The following DGKB variants were observed in gnomAD, a reference collection of about 807,000 sequenced individuals.
DGKB encodes the protein diacylglycerol kinase beta, also known as 90 kDa diacylglycerol kinase.
In DGKB, 67 loss-of-function variants were observed where a neutral mutation model predicts 114.3. That is an observed-to-expected ratio of 0.59 (90% CI 0.48 to 0.72). The LOEUF (loss-of-function observed/expected upper bound fraction) is 0.72. Among genes scored for constraint, DGKB ranks in the 30% least tolerant of loss-of-function variants. The pLI is 0.00. For missense variants in DGKB, 907 were observed against 975.2 expected (o/e 0.93, Z 0.93); for synonymous variants, 398 against 323.1 (o/e 1.23, Z -2.49).
At chr7:14,515,011 C>A (rs778199628) in intron 20 of DGKB, among the ~76,000 whole-genome samples, 2 of 151,930 alleles carry the variant, frequency 1.3e-5, no homozygotes, top group Admixed American at 6.6e-5. Flanking sequence ...AGAGTGAGAA[C>A]CTGTCTCAAA....
intron 23 of DGKB, among the ~76,000 whole-genome samples, chr7:14,250,962 T>G (rs1188672681): frequency 6.6e-6 from 1 of 152,190 alleles, no homozygotes; most frequent in East Asian, 1.9e-4. Flanking sequence ...TGCTCTTTTT[T>G]ATTATTATTT....
Position 14,916,475 on chromosome 7 carries a change from A to C in DGKB, c.-188+58221T>G, listed in dbSNP as rs1010435837. Among the ~76,000 whole-genome samples, 13 of 152,158 alleles carry C rather than the reference A, an allele frequency of 8.5e-5. 1 individual carries two copies. The highest frequency in any genetic ancestry group is 8.5e-4 in the Admixed American group (13 of 15,274). ...AGAAAGATAAACCATGCTAATGCTA[A>C]TCAAAGTAAAGCTGGATTAACTGTA... On this transcript the variant is annotated intron_variant, in intron 1 of 4. Coordinates refer to the DGKB transcript ENST00000437998.
At chr7:14,693,199 A>T (rs1001544274) in intron 9 of DGKB, among the ~76,000 whole-genome samples, 10 of 152,132 alleles carry the variant, frequency 6.6e-5, no homozygotes, top group Non-Finnish European at 1.5e-4. Context: ...TTACAATTTC[A>T]TTGTTCTTTC....
chr7:14,800,212 G>A (rs559560908), intron 2 of DGKB, among the ~76,000 whole-genome samples: 15 of 152,306 alleles, frequency 9.8e-5, no homozygotes, highest in East Asian at 1.9e-4. Flanking sequence ...CACCGCGCTC[G>A]GTCTAGTCTC....
intron 23 of DGKB, among the ~76,000 whole-genome samples, chr7:14,319,805 A>G (rs1471315525): frequency 1.3e-5 from 2 of 152,198 alleles, no homozygotes; most frequent in East Asian, 1.9e-4. Flanking sequence ...ATAAAAGATA[A>G]AGTATTGTAT....
rs192693762 is a variant in DGKB, at chr7:14,763,154, G to C, written c.71-5423C>G. Among the ~76,000 whole-genome samples, 1,059 of 152,096 alleles carry C rather than the reference G, an allele frequency of 7.0e-3. 13 individuals are homozygous for C. Among genetic ancestry groups the C allele is most frequent in the African/African-American group, 0.024 (1,001 of 41,528 alleles). On this transcript the variant is annotated intron_variant, in intron 2 of 25. Transcript: ENST00000402815. ...ATGATTTTAGAGCTCTTCTTTTGCT[G>C]ATGATTTTTTTTTCCTCAGGAATCC... is the stretch of plus-strand genomic sequence containing the variant.
At chr7:14,786,533 A>T (rs1466340782) in intron 2 of DGKB, among the ~76,000 whole-genome samples, 1 of 152,228 alleles carries the variant, frequency 6.6e-6, no homozygotes, top group Non-Finnish European at 1.5e-5. Flanking sequence ...AACCAGGAAC[A>T]GGCGGAAGGC....
At chr7:14,359,705 A>T (rs892126112) in intron 21 of DGKB, among the ~76,000 whole-genome samples, 1 of 152,234 alleles carries the variant, frequency 6.6e-6, no homozygotes, top group African/African-American at 2.4e-5. Flanking sequence ...CAGCCAACAG[A>T]CACATGAAAA....
intron 23 of DGKB, among the ~76,000 whole-genome samples, chr7:14,229,354 A>T (rs1380069951): frequency 6.6e-6 from 1 of 151,936 alleles, no homozygotes; most frequent in Non-Finnish European, 1.5e-5. Flanking sequence ...TTTACTACAA[A>T]CCTGTATAGC....
chr7:14,629,955 C>G (rs1005732231), intron 14 of DGKB, among the ~76,000 whole-genome samples: 2 of 151,898 alleles, frequency 1.3e-5, no homozygotes, highest in African/African-American at 4.8e-5. Flanking sequence ...GTAGTAAAAA[C>G]TCTTTGTAAA....
chr7:14,279,498 G>C (rs1464095482), intron 23 of DGKB, among the ~76,000 whole-genome samples: 6 of 152,218 alleles, frequency 3.9e-5, no homozygotes. Context: ...CAGCTTTGGA[G>C]AGAGCGGTGG....
chr7:14,374,703 C>T (rs764470642), intron 21 of DGKB, among the ~76,000 whole-genome samples: 4 of 152,112 alleles, frequency 2.6e-5, no homozygotes, highest in African/African-American at 7.2e-5. Context: ...AACTCTCTTG[C>T]CGTACAGCAG....
chr7:14,914,252 A>C (rs995803895), intron 1 of DGKB, among the ~76,000 whole-genome samples: 4 of 152,154 alleles, frequency 2.6e-5, no homozygotes, highest in Non-Finnish European at 5.9e-5. Context: ...AGGAAAAGAA[A>C]GGCTGATATA....
chr7:14,433,159 G>T (rs1828726537), intron 21 of DGKB, among the ~76,000 whole-genome samples: 1 of 152,154 alleles, frequency 6.6e-6, no homozygotes, highest in South Asian at 2.1e-4. Context: ...CTATTGACTG[G>T]CTAGCAGGAA....
intron 2 of DGKB, among the ~76,000 whole-genome samples, chr7:14,763,985 T>C (rs1193006375): frequency 6.6e-6 from 1 of 151,928 alleles, no homozygotes; most frequent in East Asian, 1.9e-4. Flanking sequence ...AAAGTCATCT[T>C]TCGGGTCTCT....
chr7:14,253,642 C>G (rs148255545), intron 23 of DGKB, among the ~76,000 whole-genome samples: 2 of 152,120 alleles, frequency 1.3e-5, no homozygotes, highest in East Asian at 3.9e-4. Flanking sequence ...TTGAATACTG[C>G]GATGTAAATG....
intron 21 of DGKB, among the ~76,000 whole-genome samples, chr7:14,449,379 T>G (rs1831158401): frequency 1.3e-5 from 2 of 152,044 alleles, no homozygotes; most frequent in Non-Finnish European, 2.9e-5. Context: ...TTGAGAATTG[T>G]CTGTAAGCCT....
intron 25 of DGKB, among the ~76,000 whole-genome samples, chr7:14,171,923 C>A (rs1224209295): frequency 6.6e-6 from 1 of 152,128 alleles, no homozygotes; most frequent in African/African-American, 2.4e-5. Flanking sequence ...CTCAGTAAGC[C>A]TGTGTCTAAA....
At chr7:14,280,277 G>T (rs1237401934) in intron 23 of DGKB, among the ~76,000 whole-genome samples, 1 of 152,018 alleles carries the variant, frequency 6.6e-6, no homozygotes, top group Non-Finnish European at 1.5e-5. Context: ...AAGATGAAAT[G>T]AATGAAATGA....
Sources: allele counts gnomAD v4.1 joint callset (sites outside exome capture counted in the v4.1 genomes callset), GRCh38; gene constraint gnomAD v4.1.1; transcripts MANE v1.5; gene names NCBI Gene and HGNC (gene_info 2026-07-23, HGNC 2026-07-21).